PKD1L1: variants seen among roughly 807,000 people sequenced by gnomAD.
PKD1L1 encodes the protein polycystin 1 like 1, transient receptor potential channel interacting, also known as polycystin-1-like protein 1.
A neutral mutation model predicts 323.4 loss-of-function variants in PKD1L1; 236 were observed. That is an observed-to-expected ratio of 0.73 (90% CI 0.66 to 0.81). PKD1L1 has a LOEUF of 0.81. PKD1L1 is among the 40% of genes least tolerant of loss of function. PKD1L1 has a pLI of 0.00. For missense variants in PKD1L1, 3,320 were observed against 3,508.0 expected (o/e 0.95, Z 1.35); for synonymous variants, 1,344 against 1,335.0 (o/e 1.01, Z -0.15).
At chr7:47,907,502 C>T (rs939906) in intron 9 of PKD1L1, among the ~76,000 whole-genome samples, 26,768 of 152,194 alleles carry the variant, frequency 0.18, 3,098 homozygotes, top group African/African-American at 0.31. Flanking sequence ...TTACAGGTAG[C>T]TGTGCGGATA....
rs1786030547 is a variant in PKD1L1 at position 47,861,781 on chromosome 7, T to C, written c.4150-2896A>G. 4.1e-5 allele frequency among the ~76,000 whole-genome samples: 6 copies of C among 146,670 alleles called. No individual in the cohort carries two copies. In the Admixed American group the frequency reaches 4.3e-4, roughly 11 times the overall value. ...CTGTAGTCTCAGCTGCTGGGGAGGC[T>C]GAGGCAGGAGAATGGCGTGAACCTG... On this transcript the variant is annotated intron_variant, in intron 26 of 56. Transcript: ENST00000289672.
At chr7:47,876,841 G>A (rs2017282) in intron 22 of PKD1L1, among the ~76,000 whole-genome samples, 55,205 of 151,798 alleles carry the variant, frequency 0.36, 11,429 homozygotes, top group African/African-American at 0.57. Context: ...GTGCAATGGC[G>A]CGATCTCGGC....
intron 37 of PKD1L1, among the ~76,000 whole-genome samples, chr7:47,836,604 T>TA (rs969190745): frequency 5.3e-5 from 8 of 151,786 alleles, no homozygotes; most frequent in African/African-American, 1.9e-4. Flanking sequence ...ATTGCCAACT[T>TA]AAAAAAAAAT....
rs778546744 is a variant in PKD1L1, at chr7:47,800,689, C to T, written c.8153G>A (p.Gly2718Glu). 1 of 1,614,124 alleles carries T rather than the reference C, an allele frequency of 6.2e-7. No homozygotes were observed. The highest frequency in any genetic ancestry group is 8.5e-7 in the Non-Finnish European group (1 of 1,180,026). The change falls in exon 54 of 57, where the codon GGG becomes GAG. Residue 2718 changes from glycine to glutamate, a missense_variant. Coordinates refer to ENST00000289672, the MANE Select transcript of PKD1L1 (RefSeq NM_138295.5). ...TGTGGCAGAGACTATTAAAAGGATC[C>T]CAAAGTAACAAGCCATGGCCCGCTG... ...SDQRAMACYF[G>E]ILLIVSATLC...
In PKD1L1 at chr7:47,813,263, C is replaced by T. The variant is rs774127784; in HGVS notation, c.7204G>A (p.Asp2402Asn). Residue 2402 changes from aspartate to asparagine, a missense_variant, in exon 49 of 57, where the codon GAC becomes AAC. Physicochemically the swap from Asp to Asn is conservative, Grantham distance 23 (BLOSUM62 1). Coordinates refer to ENST00000289672, the MANE Select transcript of PKD1L1 (RefSeq NM_138295.5). ...PPRPFSALIE[D>N]SIPTCSPEVG... ...TCGGGACTACATGTAGGAATAGAGT[C>T]TTCGATGAGTGCTGAAAATGGCCTG... The T allele has an allele frequency of 6.2e-7, 1 of 1,614,160 alleles. No homozygotes were observed. Among genetic ancestry groups the T allele is most frequent in the Non-Finnish European group, 8.5e-7 (1 of 1,180,018 alleles).
chr7:47,879,632 CA>C lies in PKD1L1; in HGVS notation c.3520+1095del, dbSNP rs1254218793. On this transcript the variant is annotated intron_variant, in intron 21 of 56. Transcript: ENST00000289672. The stretch of plus-strand genomic sequence containing the variant: ...TGGGCAACAGAGCAAGACTTTGTCT[CA>C]AAAAAAAAAAAAAAAAAAGGCCAGG... 1.9e-3 allele frequency among the ~76,000 whole-genome samples: 109 copies of C among 58,730 alleles called. 3 individuals are homozygous for C. Among genetic ancestry groups the C allele is most frequent in the Middle Eastern group, 0.014 (1 of 70 alleles). 38.5% of individuals were successfully genotyped at this position (58,730 alleles called of 152,430 possible).
the PKD1L1 span, among the ~76,000 whole-genome samples, chr7:47,953,594 C>A: frequency 6.6e-6 from 1 of 152,238 alleles, no homozygotes; most frequent in African/African-American, 2.4e-5. Flanking sequence ...GGGAGGCCCA[C>A]CTGTCATTTG....
At chr7:47,880,586 A>G (rs1786530898) in intron 21 of PKD1L1, 142 bp downstream of exon 21, 1 of 367,548 alleles carries the variant, frequency 2.7e-6, no homozygotes. Context: ...CCAGCCCTAT[A>G]TATATGTAAT....
intron 13 of PKD1L1, 142 bp from the exon 14 acceptor site, chr7:47,898,336 T>C (rs1787005808): frequency 6.2e-6 from 4 of 647,668 alleles, no homozygotes; most frequent in Non-Finnish European, 7.8e-6. Flanking sequence ...AGGTCTGGGC[T>C]TTAGACAACA....
At position 47,877,197 on chromosome 7, in the gene PKD1L1, G is replaced by A. The variant is rs2881990; in HGVS notation, c.3663+292C>T. Among the ~76,000 whole-genome samples the A allele has an allele frequency of 0.36, 55,092 of 151,736 alleles. 11,384 individuals carry two copies. Among genetic ancestry groups the A allele is most frequent in the African/African-American group, 0.57 (23,359 of 41,300 alleles). On this transcript the variant is annotated intron_variant, in intron 22 of 56. Coordinates refer to ENST00000289672, the MANE Select transcript of PKD1L1 (RefSeq NM_138295.5). ...CCTTTTTCTTGGGGGCAGCATTAAC[G>A]GAGGCCCCTGTTCTAACCAGGCTGC...
At chr7:47,880,920 A>G (rs757295847) in intron 20 of PKD1L1, 115 bp from the exon 21 acceptor site, 5 of 684,022 alleles carry the variant, frequency 7.3e-6, no homozygotes, top group Non-Finnish European at 1.2e-5. Flanking sequence ...ATTAACATAG[A>G]TACTAGTGAA....
At position 47,929,539 on chromosome 7, in the gene PKD1L1, G is replaced by A; in HGVS notation, c.738-13C>T. On this transcript the variant is annotated splice_polypyrimidine_tract_variant and intron_variant, in intron 6 of 56. Coordinates refer to ENST00000289672, the MANE Select transcript of PKD1L1 (RefSeq NM_138295.5). ...AAGGCCGTGGGAGCTGTGGGAGAGA[G>A]GGAGAGGCTTCAGATTTCATGACAG... The A allele has an allele frequency of 6.2e-7, 1 of 1,601,892 alleles. No homozygotes were observed. The highest frequency in any genetic ancestry group is 1.7e-5 in the Admixed American group (1 of 58,808).
Position 47,821,172 on chromosome 7 carries a change from T to TC in PKD1L1, c.6868dup (p.Asp2290GlyfsTer20). 1 of 1,605,374 alleles carries TC rather than the reference T, an allele frequency of 6.2e-7. No homozygotes were observed. The highest frequency in any genetic ancestry group is 1.7e-5 in the Admixed American group (1 of 59,998). On this transcript the variant is annotated frameshift_variant, in exon 46 of 57. Coordinates refer to ENST00000289672, the MANE Select transcript of PKD1L1 (RefSeq NM_138295.5). LOFTEE classifies it high-confidence loss of function. ...CAAAAGCAGAAGCAGCATGAGGATGTCCATGGAAATGTCTCTGTAAGAAGA... is the reference window on the plus strand; with the variant it reads ...CAAAAGCAGAAGCAGCATGAGGATGTCCCATGGAAATGTCTCTGTAAGAAGA...
At chr7:47,781,403 TGTTTTG>T (rs1562927365) in intron 56 of PKD1L1, among the ~76,000 whole-genome samples, 3 of 78,814 alleles carry the variant, frequency 3.8e-5, no homozygotes, top group African/African-American at 1.4e-4. Context: ...TTTTTTGTTT[TGTTTTG>T]TTTTTTTTTT....
At position 47,807,406 on chromosome 7, in the gene PKD1L1, G is replaced by A. The variant is rs141693972; in HGVS notation, c.7827+841C>T. Reference sequence around the variant, plus strand: ...GAGGGAGGTTGTGGGGCAGATGAATGGACCTGGGGAGAAGGGGCCTGAAGA... The same window carrying A: ...GAGGGAGGTTGTGGGGCAGATGAATAGACCTGGGGAGAAGGGGCCTGAAGA... On this transcript the variant is annotated intron_variant, in intron 52 of 56. Transcript: ENST00000289672. 2.4e-3 allele frequency among the ~76,000 whole-genome samples: 371 copies of A among 152,170 alleles called. 1 individual carries two copies. Among genetic ancestry groups the A allele is most frequent in the African/African-American group, 8.3e-3 (345 of 41,522 alleles).
In PKD1L1 at chr7:47,835,167, G is replaced by T; in HGVS notation, c.6020C>A (p.Ala2007Asp). The change falls in exon 38 of 57, where the codon GCC becomes GAC. Residue 2007 changes from alanine to aspartate, a missense_variant. Transcript: ENST00000289672. ...LLCTLLASPG[A>D]QLLSLLFRLS... ...CCTGAAGAGCAGGGACAAGAGCTGG[G>T]CCCCTGGAGAAGCCAGGAGGGTACA... 1 of 1,596,576 alleles carries T rather than the reference G, an allele frequency of 6.3e-7. No individual in the cohort carries two copies.
intron 48 of PKD1L1, chr7:47,813,708 T>C: frequency 7.8e-6 from 5 of 637,596 alleles, no homozygotes; most frequent in Middle Eastern, 2.5e-4. Flanking sequence ...TGAAGAAACC[T>C]GCAGCAGAAC....
chr7:47,879,974 C>T (rs1002163494), intron 21 of PKD1L1, among the ~76,000 whole-genome samples: 3 of 150,844 alleles, frequency 2.0e-5, no homozygotes, highest in Non-Finnish European at 1.5e-5. Context: ...GCCCACTGTG[C>T]TTGTCATATG....
intron 7 of PKD1L1, among the ~76,000 whole-genome samples, chr7:47,917,043 A>C (rs1052880165): frequency 6.6e-6 from 1 of 152,228 alleles, no homozygotes; most frequent in African/African-American, 2.4e-5. Flanking sequence ...GGCACCAGAG[A>C]AAGGCAAAGC....
Sources: gnomAD v4.1 joint callset for allele counts (sites outside exome capture counted in the v4.1 genomes callset) on GRCh38, gnomAD v4.1.1 for gene constraint, MANE v1.5 for transcripts, NCBI Gene and HGNC (gene_info 2026-07-23, HGNC 2026-07-21) for gene names.